Variants in FIRRM observed in about 807,000 individuals in gnomAD.
FIRRM encodes the protein FIGNL1-interacting regulator of recombination and mitosis.
chr1:169,852,845 C>G, the FIRRM span: 1 of 1,613,968 alleles, frequency 6.2e-7, no homozygotes, highest in Non-Finnish European at 8.5e-7. Flanking sequence ...TACAGGTCAG[C>G]GCTGCATACA....
At chr1:169,799,187 G>A in the FIRRM span, among the ~76,000 whole-genome samples, 1 of 152,300 alleles carries the variant, frequency 6.6e-6, no homozygotes, top group Middle Eastern at 3.4e-3. Flanking sequence ...TTTTGTTGAT[G>A]ATGTATGTAT....
chr1:169,787,661 C>A, the FIRRM span, among the ~76,000 whole-genome samples: 3 of 152,206 alleles, frequency 2.0e-5, no homozygotes, highest in African/African-American at 7.2e-5. Context: ...TGAATAAAGT[C>A]TGCCTTACCA....
At chr1:169,834,296 G>A in the FIRRM span, among the ~76,000 whole-genome samples, 2 of 152,090 alleles carry the variant, frequency 1.3e-5, no homozygotes, top group African/African-American at 4.8e-5. Flanking sequence ...ACAAGTTATT[G>A]TGATAAAATT....
chr1:169,829,054 C>T, the FIRRM span, among the ~76,000 whole-genome samples: 1 of 152,088 alleles, frequency 6.6e-6, no homozygotes, highest in Non-Finnish European at 1.5e-5. Context: ...CAAAAAATGT[C>T]CAGGAAAATT....
chr1:169,853,654 T>TATTG, the FIRRM span: 1 of 1,570,274 alleles, frequency 6.4e-7, no homozygotes, highest in Non-Finnish European at 8.7e-7. Flanking sequence ...GCTTTTGAGG[T>TATTG]ATTGATTTTT....
chr1:169,797,741 A>C, the FIRRM span, among the ~76,000 whole-genome samples: 1 of 151,882 alleles, frequency 6.6e-6, no homozygotes, highest in African/African-American at 2.4e-5. Flanking sequence ...AGATGGTTTC[A>C]CCATGTTGGC....
the FIRRM span, among the ~76,000 whole-genome samples, chr1:169,818,229 T>C: frequency 6.6e-6 from 1 of 152,238 alleles, no homozygotes; most frequent in East Asian, 1.9e-4. Context: ...AGTAAGGAAT[T>C]CTAATTATGT....
the FIRRM span, chr1:169,852,738 G>A: frequency 6.3e-7 from 1 of 1,576,920 alleles, no homozygotes; most frequent in South Asian, 1.1e-5. Context: ...CAAAAGGAAG[G>A]TTCTTTATAT....
chr1:169,813,136 T>G, the FIRRM span, among the ~76,000 whole-genome samples: 4 of 152,222 alleles, frequency 2.6e-5, no homozygotes, highest in Non-Finnish European at 5.9e-5. Context: ...TATGGCACTA[T>G]TTAAAGCTGT....
At chr1:169,787,489 C>T in the FIRRM span, among the ~76,000 whole-genome samples, 9 of 152,130 alleles carry the variant, frequency 5.9e-5, no homozygotes, top group Non-Finnish European at 1.0e-4. Context: ...ATCCTCCTTA[C>T]CCTTGATGCT....
At chr1:169,827,159 A>G in the FIRRM span, 4 of 1,613,614 alleles carry the variant, frequency 2.5e-6, no homozygotes, top group Non-Finnish European at 3.4e-6. Context: ...AGCTGCTCAC[A>G]TTTCAGCCTT....
chr1:169,807,756 G>A, the FIRRM span: 60 of 1,534,306 alleles, frequency 3.9e-5, no homozygotes, highest in African/African-American at 8.4e-4. Flanking sequence ...TGTGTTACTT[G>A]TGGTGATTGT....
the FIRRM span, chr1:169,821,625 A>T: frequency 6.8e-5 from 90 of 1,320,106 alleles, no homozygotes; most frequent in South Asian, 9.3e-4. Flanking sequence ...AGCTTAGCTA[A>T]TTTTATATTC....
the FIRRM span, chr1:169,850,342 G>T: frequency 6.3e-7 from 1 of 1,599,320 alleles, no homozygotes; most frequent in African/African-American, 1.3e-5. Context: ...CCTTTCTGGA[G>T]AAGGTACTTT....
the FIRRM span, chr1:169,792,984 C>T: frequency 1.9e-6 from 3 of 1,613,882 alleles, no homozygotes; most frequent in African/African-American, 4.0e-5. Context: ...TCTTCATCTT[C>T]CAAAGTGGAG....
the FIRRM span, among the ~76,000 whole-genome samples, chr1:169,849,246 G>A: frequency 6.6e-6 from 1 of 152,218 alleles, no homozygotes; most frequent in Admixed American, 6.5e-5. Flanking sequence ...ATTCAGGGAA[G>A]CAAGTATAGC....
the FIRRM span, among the ~76,000 whole-genome samples, chr1:169,815,054 T>TTG: frequency 6.6e-6 from 1 of 151,896 alleles, no homozygotes; most frequent in East Asian, 1.9e-4. Flanking sequence ...TCCCAGCACT[T>TTG]TGGGAGGCAG....
chr1:169,822,062 A>G, the FIRRM span, among the ~76,000 whole-genome samples: 1 of 152,176 alleles, frequency 6.6e-6, no homozygotes, highest in African/African-American at 2.4e-5. Flanking sequence ...TTTTTCAGAA[A>G]GACAAGCAGC....
At chr1:169,792,494 AAAAAT>A in the FIRRM span, 5 of 1,281,202 alleles carry the variant, frequency 3.9e-6, no homozygotes, top group Admixed American at 1.3e-4. Flanking sequence ...AAATTTCAGA[AAAAAT>A]AATAGCAAAA....
Sources: allele counts gnomAD v4.1 joint callset (sites outside exome capture counted in the v4.1 genomes callset), GRCh38; gene constraint gnomAD v4.1.1; transcripts MANE v1.5; gene names NCBI Gene and HGNC (gene_info 2026-07-23, HGNC 2026-07-21).